Variants in FLT3 observed in about 807,000 individuals in gnomAD.
The protein encoded by FLT3 is fms related receptor tyrosine kinase 3.
In FLT3, 46 loss-of-function variants were observed where a neutral mutation model predicts 126.6. That is an observed-to-expected ratio of 0.36 (90% CI 0.29 to 0.46). The LOEUF is 0.46. FLT3 is among the 20% of genes least tolerant of loss of function. FLT3 has a pLI of 1.00. For missense variants in FLT3, 1,069 were observed against 1,190.3 expected (o/e 0.90, Z 1.50); for synonymous variants, 404 against 434.4 (o/e 0.93, Z 0.87).
intron 5 of FLT3, among the ~76,000 whole-genome samples, chr13:28,051,456 C>T (rs1338391342): frequency 2.0e-5 from 3 of 151,286 alleles, no homozygotes; most frequent in Non-Finnish European, 2.9e-5. Context: ...AGGCTGGTCT[C>T]GAACCCCCAA....
At chr13:28,027,473 G>T (rs372473721) in intron 16 of FLT3, among the ~76,000 whole-genome samples, 164 of 152,278 alleles carry the variant, frequency 1.1e-3, no homozygotes, top group African/African-American at 3.7e-3. Flanking sequence ...TTTTTTGTAT[G>T]TGTGGCCTCA....
chr13:28,100,242 C>T lies in FLT3; in HGVS notation c.43+226G>A, dbSNP rs1276185853. Among the ~76,000 whole-genome samples, 1 of 152,072 alleles carries T rather than the reference C, an allele frequency of 6.6e-6. No homozygotes were observed. Among genetic ancestry groups the T allele is most frequent in the Admixed American group, 6.5e-5 (1 of 15,276 alleles). ...GCGGCCCGAGCCAGAGGAGAGACTTCGGAGAAGAGGGAAGAGGACGCGGGG... is the reference window on the plus strand; with the variant it reads ...GCGGCCCGAGCCAGAGGAGAGACTTTGGAGAAGAGGGAAGAGGACGCGGGG... On this transcript the variant is annotated intron_variant, in intron 1 of 23. Coordinates refer to ENST00000241453, the MANE Select transcript of FLT3 (RefSeq NM_004119.3). This position sits in a 1 kb window ranked among gnomAD's most constrained non-coding sequence, Gnocchi z 4.8.
rs1879768561 is a variant in FLT3, at chr13:28,100,544, G to C, written c.-34C>G. ...GAGCCCGGGGTCCCCAGGCCGCGCC[G>C]GCCCAGCCCTGCGATGCCGCCTGGA... On this transcript the variant is annotated 5_prime_UTR_variant, in exon 1 of 24. Transcript: ENST00000241453. This position sits in a 1 kb window ranked among gnomAD's most constrained non-coding sequence, Gnocchi z 4.8. 1 of 1,205,958 alleles carries C rather than the reference G, an allele frequency of 8.3e-7. No individual in the cohort carries two copies. The highest frequency in any genetic ancestry group is 4.2e-5 in the South Asian group (1 of 24,064). 74.7% of individuals were successfully genotyped at this position (1,205,958 alleles called of 1,614,324 possible). A position where few individuals can be genotyped will look rare whatever the true frequency, so the allele number is the denominator to read the frequency against.
intron 1 of FLT3, among the ~76,000 whole-genome samples, chr13:28,087,908 C>G (rs1006731117): frequency 2.0e-5 from 3 of 152,172 alleles, no homozygotes; most frequent in Non-Finnish European, 4.4e-5. Context: ...TTTCCTCATT[C>G]AGAAAGATTT....
At chr13:28,081,166 T>A (rs1332148112) in intron 1 of FLT3, among the ~76,000 whole-genome samples, 1 of 152,194 alleles carries the variant, frequency 6.6e-6, no homozygotes, top group Non-Finnish European at 1.5e-5. Context: ...TGCAAAAAGA[T>A]CTACAGGGAT....
chr13:28,086,599 T>G (rs1878687023), intron 1 of FLT3, among the ~76,000 whole-genome samples: 1 of 151,474 alleles, frequency 6.6e-6, no homozygotes, highest in African/African-American at 2.4e-5. Flanking sequence ...TGTATTATTT[T>G]TCCTTCTGTC....
intron 2 of FLT3, among the ~76,000 whole-genome samples, chr13:28,069,486 T>C (rs1002581920): frequency 2.2e-4 from 34 of 152,162 alleles, no homozygotes; most frequent in African/African-American, 8.2e-4. Flanking sequence ...TGGATTTTGA[T>C]GTGCAAATGG....
chr13:28,011,948 C>T (rs140437289), intron 23 of FLT3, among the ~76,000 whole-genome samples: 3,607 of 152,118 alleles, frequency 0.024, 147 homozygotes, highest in African/African-American at 0.083. Context: ...CAGGCATGCG[C>T]CACCACGCCT....
At chr13:28,091,050 C>T (rs7333646) in intron 1 of FLT3, among the ~76,000 whole-genome samples, 57,783 of 151,452 alleles carry the variant, frequency 0.38, 12,780 homozygotes, top group African/African-American at 0.62. Context: ...TTTTACACAT[C>T]ATGAAACAAA....
chr13:28,008,709 C>T (rs927223944), intron 23 of FLT3, among the ~76,000 whole-genome samples: 1 of 151,946 alleles, frequency 6.6e-6, no homozygotes, highest in African/African-American at 2.4e-5. Flanking sequence ...GAACTCCTGA[C>T]CTCAGGTGAT....
rs186845820 is a variant in FLT3, at chr13:28,066,924, A to G, written c.165+3567T>C. 6.0e-4 allele frequency among the ~76,000 whole-genome samples: 92 copies of G among 152,340 alleles called. 2 individuals carry two copies. The highest frequency in any genetic ancestry group is 2.4e-4 in the Non-Finnish European group (16 of 68,030). On this transcript the variant is annotated intron_variant, in intron 2 of 23. Transcript: ENST00000241453. ...TAACTTTGCAGTGGGGATACCTGGC[A>G]TGCACTGTCTAACTCTAATGATCAA...
intron 6 of FLT3, 129 bp from the exon 7 acceptor site, chr13:28,049,903 A>T: frequency 8.8e-7 from 1 of 1,141,734 alleles, no homozygotes; most frequent in Non-Finnish European, 1.2e-6. Context: ...TAATAAAAGA[A>T]GCTTTTAGAG....
intron 1 of FLT3, among the ~76,000 whole-genome samples, chr13:28,083,815 A>G (rs1215991176): frequency 3.3e-5 from 5 of 152,182 alleles, no homozygotes; most frequent in Admixed American, 3.3e-4. Flanking sequence ...TCTGTAGATT[A>G]TGTAGTGATA....
At chr13:28,068,791 G>A (rs1877255864) in intron 2 of FLT3, among the ~76,000 whole-genome samples, 1 of 152,046 alleles carries the variant, frequency 6.6e-6, no homozygotes, top group African/African-American at 2.4e-5. Context: ...TCCTCAGGCT[G>A]GTCTCAAACT....
At chr13:28,012,095 T>C (rs1183346765) in intron 23 of FLT3, among the ~76,000 whole-genome samples, 1 of 152,138 alleles carries the variant, frequency 6.6e-6, no homozygotes, top group African/African-American at 2.4e-5. Context: ...CAATGGGCCA[T>C]GGGGGCCTGT....
chr13:28,037,000 A>T (rs568125213), intron 10 of FLT3, among the ~76,000 whole-genome samples, 185 bp downstream of exon 10: 2 of 152,284 alleles, frequency 1.3e-5, no homozygotes, highest in South Asian at 4.1e-4. Context: ...ACAAAATAAC[A>T]TAAAAAATAA....
At position 28,052,696 on chromosome 13, in the gene FLT3, A is replaced by T. The variant is rs190978830; in HGVS notation, c.485-22T>A. ...GTATCTAAAGCATCATAAGTTATTA[A>T]CATTTTACTATTTTAAAAATAATTC... On this transcript the variant is annotated intron_variant, in intron 4 of 23. Transcript: ENST00000241453. 595 of 1,501,948 alleles carry T rather than the reference A, an allele frequency of 4.0e-4. 4 individuals carry two copies. Among genetic ancestry groups the T allele is most frequent in the Non-Finnish European group, 2.5e-5 (27 of 1,091,926 alleles). 93.0% of individuals were successfully genotyped at this position (1,501,948 alleles called of 1,614,324 possible). A position where few individuals can be genotyped will look rare whatever the true frequency, so the allele number is the denominator to read the frequency against.
chr13:28,042,564 C>T (rs371112426), intron 9 of FLT3, among the ~76,000 whole-genome samples: 163 of 152,092 alleles, frequency 1.1e-3, no homozygotes, highest in African/African-American at 3.7e-3. Flanking sequence ...AGTAATTTAG[C>T]CTCAATTTCC....
chr13:28,056,339 C>A (rs1031887085), intron 4 of FLT3, among the ~76,000 whole-genome samples: 3 of 152,178 alleles, frequency 2.0e-5, no homozygotes, highest in African/African-American at 7.2e-5. Flanking sequence ...ACCCAGGGCA[C>A]CTCTGTGGGC....
Sources: gnomAD v4.1 joint callset for allele counts (sites outside exome capture counted in the v4.1 genomes callset) on GRCh38, gnomAD v4.1.1 for gene constraint, Gnocchi (gnomAD v3.1) non-coding constraint, MANE v1.5 for transcripts, NCBI Gene and HGNC (gene_info 2026-07-23, HGNC 2026-07-21) for gene names.